Variants in NEGR1 observed in about 807,000 individuals in gnomAD.
NEGR1 encodes neuronal growth regulator 1.
Under a neutral mutation model 40.9 loss-of-function variants are expected in NEGR1, and 10 were observed. The observed-to-expected ratio is 0.24, with a 90% CI of 0.15 to 0.42. The LOEUF is 0.42. Among genes scored for constraint, NEGR1 ranks in the 10% least tolerant of loss-of-function variants. The pLI, the probability that NEGR1 is intolerant of heterozygous loss-of-function variation, is 1.00. For missense variants in NEGR1, 352 were observed against 438.9 expected (o/e 0.80, Z 1.77); for synonymous variants, 185 against 166.8 (o/e 1.11, Z -0.84).
At chr1:71,968,672 T>C (rs955506753) in intron 1 of NEGR1, among the ~76,000 whole-genome samples, 8 of 152,220 alleles carry the variant, frequency 5.3e-5, no homozygotes, top group Non-Finnish European at 1.0e-4. Flanking sequence ...ATTCTATAGG[T>C]ATTATTCTGA....
intron 4 of NEGR1, among the ~76,000 whole-genome samples, chr1:71,634,528 A>G (rs2101567787): frequency 6.6e-6 from 1 of 152,264 alleles, no homozygotes; most frequent in South Asian, 2.1e-4. Flanking sequence ...CAGGATGGAA[A>G]GCCAGATCCT....
At chr1:71,996,790 C>T (rs1646508219) in intron 1 of NEGR1, among the ~76,000 whole-genome samples, 1 of 152,076 alleles carries the variant, frequency 6.6e-6, no homozygotes, top group Non-Finnish European at 1.5e-5. Flanking sequence ...CTTTGTCGTA[C>T]ACACCTTTCA....
At chr1:71,928,395 T>C (rs1366370439) in intron 2 of NEGR1, among the ~76,000 whole-genome samples, 1 of 144,702 alleles carries the variant, frequency 6.9e-6, no homozygotes, top group Non-Finnish European at 1.5e-5. Flanking sequence ...TACACACATA[T>C]GTATATATGT....
intron 1 of NEGR1, among the ~76,000 whole-genome samples, chr1:71,981,418 G>A (rs1201131186): frequency 6.6e-6 from 1 of 152,108 alleles, no homozygotes; most frequent in South Asian, 2.1e-4. Flanking sequence ...TCATGTGCTG[G>A]GTGGAAAGCT....
chr1:71,448,603 A>C (rs1329820178), intron 6 of NEGR1, among the ~76,000 whole-genome samples: 1 of 137,742 alleles, frequency 7.3e-6, no homozygotes, highest in African/African-American at 3.2e-5. Context: ...CATCTCAAAG[A>C]AAAAAAAAAT....
intron 2 of NEGR1, among the ~76,000 whole-genome samples, chr1:71,806,836 C>T (rs1657789551): frequency 1.3e-5 from 2 of 151,620 alleles, no homozygotes; most frequent in Admixed American, 1.3e-4. Flanking sequence ...AATCCCCATC[C>T]TACATCCTAG....
intron 6 of NEGR1, among the ~76,000 whole-genome samples, chr1:71,488,733 A>C (rs1646904411): frequency 6.6e-6 from 1 of 151,614 alleles, no homozygotes; most frequent in Non-Finnish European, 1.5e-5. Context: ...CCCTGACTTC[A>C]AACACTGTTC....
chr1:72,154,023 A>G (rs1017104560), intron 1 of NEGR1, among the ~76,000 whole-genome samples: 8 of 151,898 alleles, frequency 5.3e-5, no homozygotes, highest in African/African-American at 1.9e-4. Flanking sequence ...AAATTGACAA[A>G]TAAAAGAGTG....
intron 1 of NEGR1, among the ~76,000 whole-genome samples, chr1:72,190,148 T>C (rs1182705336): frequency 6.6e-6 from 1 of 151,582 alleles, no homozygotes; most frequent in African/African-American, 2.4e-5. Context: ...CATATATAGC[T>C]ATATTAATCA....
chr1:71,808,699 A>G (rs190487162), intron 2 of NEGR1, among the ~76,000 whole-genome samples: 31 of 152,334 alleles, frequency 2.0e-4, no homozygotes, highest in African/African-American at 7.5e-4. Flanking sequence ...GTTGCATAAT[A>G]TCTTCCCCCA....
chr1:71,731,811 G>A (rs1005141082), intron 3 of NEGR1, among the ~76,000 whole-genome samples: 7 of 152,166 alleles, frequency 4.6e-5, no homozygotes, highest in African/African-American at 1.7e-4. Flanking sequence ...ATATAAAACT[G>A]TCAAGATTTA....
chr1:71,907,259 T>C (rs1334281501), intron 2 of NEGR1, among the ~76,000 whole-genome samples: 1 of 152,168 alleles, frequency 6.6e-6, no homozygotes, highest in Non-Finnish European at 1.5e-5. Flanking sequence ...AGTGGTTGTC[T>C]AGAAACTACA....
chr1:72,028,043 C>G (rs1216346100), intron 1 of NEGR1, among the ~76,000 whole-genome samples: 2 of 152,208 alleles, frequency 1.3e-5, no homozygotes, highest in African/African-American at 2.4e-5. Flanking sequence ...TGTCTCCAAC[C>G]TATTCTTATC....
At chr1:71,447,583 C>A (rs1487660349) in intron 6 of NEGR1, among the ~76,000 whole-genome samples, 3 of 152,206 alleles carry the variant, frequency 2.0e-5, no homozygotes, top group Admixed American at 6.5e-5. Context: ...GGATTCTACT[C>A]TTCCTTTAAA....
At chr1:72,018,709 G>A (rs1430978607) in intron 1 of NEGR1, among the ~76,000 whole-genome samples, 1 of 152,140 alleles carries the variant, frequency 6.6e-6, no homozygotes, top group African/African-American at 2.4e-5. Context: ...CATATTCTAG[G>A]GGCAAGCATT....
At chr1:72,061,912 C>G (rs1189286927) in intron 1 of NEGR1, among the ~76,000 whole-genome samples, 5 of 151,664 alleles carry the variant, frequency 3.3e-5, no homozygotes, top group African/African-American at 1.2e-4. Context: ...ATAATGGGCT[C>G]CCTGCCTGCA....
At chr1:71,758,180 A>G (rs1017483607) in intron 3 of NEGR1, among the ~76,000 whole-genome samples, 2 of 152,114 alleles carry the variant, frequency 1.3e-5, no homozygotes, top group Admixed American at 1.3e-4. Context: ...TAAGCTCTAT[A>G]TAATATTGCC....
chr1:71,659,008 C>A (rs1332224487), intron 4 of NEGR1, among the ~76,000 whole-genome samples: 1 of 152,052 alleles, frequency 6.6e-6, no homozygotes, highest in Admixed American at 6.6e-5. Flanking sequence ...ATATGCTTGA[C>A]CCAATGTGAT....
chr1:71,495,836 T>C (rs1158631016), intron 6 of NEGR1, among the ~76,000 whole-genome samples: 1 of 152,192 alleles, frequency 6.6e-6, no homozygotes, highest in Non-Finnish European at 1.5e-5. Flanking sequence ...GGAACCACTG[T>C]ATTAACAAAA....
Sources: gnomAD v4.1 joint callset for allele counts (sites outside exome capture counted in the v4.1 genomes callset) on GRCh38, gnomAD v4.1.1 for gene constraint, MANE v1.5 for transcripts, NCBI Gene and HGNC (gene_info 2026-07-23, HGNC 2026-07-21) for gene names.